The following SGCZ variants were observed in gnomAD, a reference collection of about 807,000 sequenced individuals.
SGCZ encodes sarcoglycan zeta.
SGCZ carries 40 observed loss-of-function variants against 41.3 expected under a neutral mutation model. The observed-to-expected ratio is 0.97, with a 90% CI of 0.75 to 1.26. SGCZ has a LOEUF of 1.26. Among genes scored for constraint, SGCZ ranks in the 50% most tolerant of loss-of-function variants. The probability of loss-of-function intolerance (pLI) is 0.00; values close to 1 mark genes in which losing one functional copy is unlikely to be tolerated. For synonymous variants in SGCZ, 206 were observed against 137.5 expected, an observed-to-expected ratio of 1.50 and a Z score of -3.49; for missense variants, 552 against 369.8, an observed-to-expected ratio of 1.49 and a Z score of -4.04.
At chr8:14,396,920 T>C (rs374833091) in intron 2 of SGCZ, among the ~76,000 whole-genome samples, 1 of 152,296 alleles carries the variant, frequency 6.6e-6, no homozygotes, top group East Asian at 1.9e-4. Context: ...GCTTAGGTTT[T>C]AACCAATGGA....
intron 1 of SGCZ, among the ~76,000 whole-genome samples, chr8:14,863,204 G>A (rs748162701): frequency 2.6e-5 from 4 of 152,144 alleles, no homozygotes; most frequent in Non-Finnish European, 5.9e-5. Context: ...GCTACATGCA[G>A]CTGTCCGTAC....
intron 2 of SGCZ, among the ~76,000 whole-genome samples, chr8:14,391,080 G>C (rs1378747278): frequency 6.6e-6 from 1 of 152,052 alleles, no homozygotes; most frequent in Non-Finnish European, 1.5e-5. Flanking sequence ...CAACTCCATA[G>C]TAAGTCTCTA....
intron 1 of SGCZ, among the ~76,000 whole-genome samples, chr8:15,172,316 C>T (rs1799865041): frequency 6.6e-6 from 1 of 150,794 alleles, no homozygotes; most frequent in African/African-American, 2.4e-5. Context: ...CGCGCGCCAC[C>T]ATGCCCGGCT....
At chr8:14,515,884 G>C (rs565723344) in intron 2 of SGCZ, among the ~76,000 whole-genome samples, 4 of 152,084 alleles carry the variant, frequency 2.6e-5, no homozygotes, top group East Asian at 3.9e-4. Context: ...ATGATTTTGA[G>C]TATATTTCAA....
chr8:14,111,522 T>C (rs1030041847), intron 5 of SGCZ, among the ~76,000 whole-genome samples: 3 of 152,174 alleles, frequency 2.0e-5, no homozygotes, highest in Admixed American at 6.5e-5. Context: ...TGTAAACTTA[T>C]TGAATAAATG....
At chr8:14,264,332 T>C (rs1445386969) in intron 3 of SGCZ, among the ~76,000 whole-genome samples, 2 of 152,144 alleles carry the variant, frequency 1.3e-5, no homozygotes, top group Non-Finnish European at 2.9e-5. Flanking sequence ...CATCGGGTCC[T>C]TCACAATGAG....
At chr8:14,932,054 A>G (rs1799936880) in intron 1 of SGCZ, among the ~76,000 whole-genome samples, 1 of 151,976 alleles carries the variant, frequency 6.6e-6, no homozygotes, top group Non-Finnish European at 1.5e-5. Context: ...AGTATTTATA[A>G]TTGAAATTAC....
In SGCZ at chr8:14,637,358, C is replaced by T. The variant is rs116264222; in HGVS notation, c.40-82432G>A. Among the ~76,000 whole-genome samples the T allele has an allele frequency of 4.7e-3, 712 of 151,216 alleles. 4 individuals are homozygous for T. The highest frequency in any genetic ancestry group is 0.017 in the African/African-American group (691 of 41,212). On this transcript the variant is annotated intron_variant, in intron 1 of 7. Coordinates refer to ENST00000382080, the MANE Select transcript of SGCZ (RefSeq NM_139167.4). ...TTATTTTAGACTCGGAGTACACGTG[C>T]AGGTTTGTTACACGAGTAAATTGCG...
chr8:15,189,242 A>G (rs1800450686), intron 1 of SGCZ, among the ~76,000 whole-genome samples: 1 of 152,222 alleles, frequency 6.6e-6, no homozygotes, highest in Admixed American at 6.5e-5. Flanking sequence ...ATTTTGTCAG[A>G]AAGTAAAGAG....
intron 1 of SGCZ, among the ~76,000 whole-genome samples, chr8:14,931,561 T>C (rs1057447922): frequency 1.3e-5 from 2 of 151,990 alleles, no homozygotes; most frequent in African/African-American, 4.8e-5. Flanking sequence ...GCAACCTGGC[T>C]TTTGTTTGCA....
At chr8:14,982,139 C>G (rs1219777013) in intron 1 of SGCZ, among the ~76,000 whole-genome samples, 1 of 132,340 alleles carries the variant, frequency 7.6e-6, no homozygotes, top group East Asian at 2.2e-4. Flanking sequence ...GCCTGGACAA[C>G]AGAGCGAGAC....
At chr8:15,050,637 G>T (rs1237573692) in intron 1 of SGCZ, among the ~76,000 whole-genome samples, 1 of 152,144 alleles carries the variant, frequency 6.6e-6, no homozygotes, top group Non-Finnish European at 1.5e-5. Flanking sequence ...TTTCAACATG[G>T]AGGTCAACCT....
intron 1 of SGCZ, among the ~76,000 whole-genome samples, chr8:14,886,122 T>C (rs998947705): frequency 6.7e-6 from 1 of 149,564 alleles, no homozygotes; most frequent in East Asian, 2.0e-4. Flanking sequence ...TTCTATCCCA[T>C]GCATGCTCAT....
At chr8:14,295,738 C>T (rs1800987926) in intron 3 of SGCZ, among the ~76,000 whole-genome samples, 1 of 152,030 alleles carries the variant, frequency 6.6e-6, no homozygotes, top group African/African-American at 2.4e-5. Flanking sequence ...TTCCAAATGA[C>T]AGTGTAAGAA....
chr8:14,517,768 T>C (rs1356374514), intron 2 of SGCZ, among the ~76,000 whole-genome samples: 1 of 151,916 alleles, frequency 6.6e-6, no homozygotes, highest in Non-Finnish European at 1.5e-5. Context: ...TGCTTTTAGC[T>C]CTTCATGATA....
intron 1 of SGCZ, among the ~76,000 whole-genome samples, chr8:15,154,664 C>A (rs1170961829): frequency 6.6e-6 from 1 of 152,202 alleles, no homozygotes; most frequent in Non-Finnish European, 1.5e-5. Context: ...TTAAAGGAAG[C>A]AACCATCCTT....
At chr8:14,671,674 T>C (rs1808106874) in intron 1 of SGCZ, among the ~76,000 whole-genome samples, 1 of 152,136 alleles carries the variant, frequency 6.6e-6, no homozygotes, top group Non-Finnish European at 1.5e-5. Flanking sequence ...ATTCTTAACA[T>C]TCAAACCATG....
chr8:14,153,852 A>C (rs188258598), intron 5 of SGCZ, among the ~76,000 whole-genome samples: 12 of 152,098 alleles, frequency 7.9e-5, no homozygotes, highest in Non-Finnish European at 1.5e-5. Context: ...CCTCTTGATG[A>C]GATTAGTGCC....
At chr8:15,196,740 T>C (rs574843939) in intron 1 of SGCZ, among the ~76,000 whole-genome samples, 2 of 152,224 alleles carry the variant, frequency 1.3e-5, no homozygotes, top group Non-Finnish European at 2.9e-5. Flanking sequence ...ACCCACTAAC[T>C]CGTTATCTAG....
Sources: gnomAD v4.1 joint callset for allele counts (sites outside exome capture counted in the v4.1 genomes callset) on GRCh38, gnomAD v4.1.1 for gene constraint, MANE v1.5 for transcripts, NCBI Gene and HGNC (gene_info 2026-07-23, HGNC 2026-07-21) for gene names.